Variants in WWOX observed in about 807,000 individuals in gnomAD.
WWOX encodes the protein WW domain-containing oxidoreductase.
In WWOX, 69 loss-of-function variants were observed where a neutral mutation model predicts 46.2. The observed-to-expected ratio is 1.49, with a 90% confidence interval of 1.23 to 1.82. The LOEUF (loss-of-function observed/expected upper bound fraction) is 1.82, where lower values mean the gene tolerates loss of function less well. Among genes scored for constraint, WWOX ranks in the 40% most tolerant of loss-of-function variants. The pLI, the probability that WWOX is intolerant of heterozygous loss-of-function variation, is 0.00. For synonymous variants in WWOX, 359 were observed against 202.6 expected (o/e 1.77, Z -6.56); for missense variants, 919 against 542.6 (o/e 1.69, Z -6.89).
chr16:78,862,210 C>T (rs986723492), intron 8 of WWOX, among the ~76,000 whole-genome samples: 17 of 139,092 alleles, frequency 1.2e-4, no homozygotes, highest in African/African-American at 4.0e-4. Context: ...CTTTACACAC[C>T]TATGGGTGTG....
chr16:78,897,882 A>G (rs770041531), intron 8 of WWOX: 1 of 152,060 alleles, frequency 6.6e-6, no homozygotes, highest in Non-Finnish European at 1.5e-5. Flanking sequence ...GAGAAACGCT[A>G]TCTCTTGCTA....
At chr16:79,175,910 T>G (rs960673976) in intron 8 of WWOX, among the ~76,000 whole-genome samples, 4 of 152,174 alleles carry the variant, frequency 2.6e-5, no homozygotes, top group Admixed American at 6.5e-5. Flanking sequence ...GAGCTTTTGG[T>G]CATGCTGTAA....
intron 8 of WWOX, among the ~76,000 whole-genome samples, chr16:78,606,347 C>G (rs1355879512): frequency 2.0e-5 from 3 of 151,746 alleles, no homozygotes; most frequent in African/African-American, 7.3e-5. Context: ...ATGCTATTTA[C>G]TATTAATGTA....
At chr16:78,841,324 C>G (rs142723364) in intron 8 of WWOX, among the ~76,000 whole-genome samples, 1 of 152,244 alleles carries the variant, frequency 6.6e-6, no homozygotes, top group East Asian at 1.9e-4. Flanking sequence ...ACATATGTAG[C>G]TGTTTGTATT....
chr16:79,036,027 A>G (rs2151402953), intron 8 of WWOX, among the ~76,000 whole-genome samples: 1 of 152,020 alleles, frequency 6.6e-6, no homozygotes, highest in African/African-American at 2.4e-5. Flanking sequence ...TCCTTCCAGC[A>G]TACTCAGCAC....
intron 5 of WWOX, among the ~76,000 whole-genome samples, chr16:78,210,970 C>G (rs927826424): frequency 1.3e-5 from 2 of 152,174 alleles, no homozygotes; most frequent in African/African-American, 4.8e-5. Context: ...GTGGCCTTGG[C>G]TTTAACTATG....
chr16:78,948,047 G>A (rs1420890221), intron 8 of WWOX, among the ~76,000 whole-genome samples: 1 of 152,222 alleles, frequency 6.6e-6, no homozygotes, highest in Non-Finnish European at 1.5e-5. Flanking sequence ...CTGGTGGAGA[G>A]GAAAGAAGGC....
chr16:78,401,788 C>T (rs1365437148), intron 6 of WWOX, among the ~76,000 whole-genome samples: 1 of 152,072 alleles, frequency 6.6e-6, no homozygotes, highest in African/African-American at 2.4e-5. Flanking sequence ...CAACCTCTGC[C>T]TCCTGGGTTC....
intron 8 of WWOX, among the ~76,000 whole-genome samples, chr16:78,771,460 G>T (rs2050062722): frequency 6.6e-6 from 1 of 152,130 alleles, no homozygotes; most frequent in African/African-American, 2.4e-5. Context: ...TTAATGCCAC[G>T]GAATTGTATC....
chr16:78,709,140 C>G (rs1279490135), intron 8 of WWOX, among the ~76,000 whole-genome samples: 1 of 152,118 alleles, frequency 6.6e-6, no homozygotes, highest in Non-Finnish European at 1.5e-5. Context: ...TTCTCTAAAT[C>G]CATGAAAAAA....
At chr16:78,170,024 G>T (rs1453641935) in intron 5 of WWOX, among the ~76,000 whole-genome samples, 1 of 152,164 alleles carries the variant, frequency 6.6e-6, no homozygotes, top group East Asian at 1.9e-4. Context: ...AGAGGGGCAG[G>T]TGGCTCTCCC....
chr16:78,326,877 C>CTA, intron 5 of WWOX, among the ~76,000 whole-genome samples: 1 of 152,108 alleles, frequency 6.6e-6, no homozygotes, highest in East Asian at 1.9e-4. Flanking sequence ...CGGTTGTATT[C>CTA]TATATGAATC....
At chr16:78,409,181 A>G (rs2082616596) in intron 6 of WWOX, among the ~76,000 whole-genome samples, 2 of 152,208 alleles carry the variant, frequency 1.3e-5, no homozygotes, top group African/African-American at 4.8e-5. Context: ...AGAAATACAG[A>G]AAGTCCTATT....
chr16:79,030,719 C>G (rs772979738), intron 8 of WWOX, among the ~76,000 whole-genome samples: 1 of 152,152 alleles, frequency 6.6e-6, no homozygotes, highest in South Asian at 2.1e-4. Flanking sequence ...CTTCTACCCT[C>G]CGGTTGTTTG....
intron 8 of WWOX, among the ~76,000 whole-genome samples, chr16:78,492,948 G>C (rs115313816): frequency 6.6e-6 from 1 of 152,210 alleles, no homozygotes; most frequent in African/African-American, 2.4e-5. Flanking sequence ...GTCATGCTTA[G>C]CATACTACTC....
chr16:78,544,916 C>T (rs893679359), intron 8 of WWOX, among the ~76,000 whole-genome samples: 1 of 151,240 alleles, frequency 6.6e-6, no homozygotes, highest in Non-Finnish European at 1.5e-5. Flanking sequence ...GTGGCTCCTG[C>T]CTATAATCCT....
intron 1 of WWOX, among the ~76,000 whole-genome samples, chr16:78,105,146 T>A (rs904852734): frequency 2.0e-5 from 3 of 152,162 alleles, no homozygotes; most frequent in Non-Finnish European, 1.5e-5. Flanking sequence ...AGGCCAGTGG[T>A]GCCCAAGGCA....
At chr16:78,506,728 TGTACAGAG>T (rs1567611973) in intron 8 of WWOX, among the ~76,000 whole-genome samples, 8 of 93,588 alleles carry the variant, frequency 8.5e-5, no homozygotes, top group African/African-American at 2.0e-4. Context: ...TTTTTTTTTT[TGTACAGAG>T]TCTTGCTCTG....
intron 8 of WWOX, among the ~76,000 whole-genome samples, chr16:78,964,039 T>C (rs2046321235): frequency 6.6e-6 from 1 of 152,242 alleles, no homozygotes; most frequent in African/African-American, 2.4e-5. Context: ...CCCAGCCATG[T>C]AGAACTGTAA....
Sources: gnomAD v4.1 joint callset for allele counts (sites outside exome capture counted in the v4.1 genomes callset) on GRCh38, gnomAD v4.1.1 for gene constraint, MANE v1.5 for transcripts, NCBI Gene and HGNC (gene_info 2026-07-23, HGNC 2026-07-21) for gene names.